Variants in STK16 observed in about 807,000 individuals in gnomAD.
The protein encoded by STK16 is serine/threonine kinase 16.
A neutral mutation model predicts 37.8 loss-of-function variants in STK16; 28 were observed. The ratio of observed to expected loss-of-function variants is 0.74; its 90% CI spans 0.55 to 1.02. The LOEUF is 1.02. Ranked by LOEUF, STK16 falls within the 50% of genes least tolerant of loss-of-function variation. STK16 has a pLI of 0.00. For missense variants in STK16, 349 were observed against 390.6 expected (o/e 0.89, Z 0.90); for synonymous variants, 134 against 155.0 (o/e 0.86, Z 1.01).
chr2:219,246,414 A>G lies in STK16; in HGVS notation c.87-243A>G. On this transcript the variant is annotated intron_variant, in intron 2 of 7. Coordinates refer to ENST00000396738, the MANE Select transcript of STK16 (RefSeq NM_001330213.2). The surrounding 1 kb of genome is among the most constrained non-coding windows in gnomAD (Gnocchi z 4.5). ...GACAAGTACTTGATAAGTGTTGGCT[A>G]TTATTTATTTAGCATCTGTCAAGTG... The G allele has an allele frequency of 1.6e-6, 1 of 614,602 alleles. No homozygotes were observed. Among genetic ancestry groups the G allele is most frequent in the South Asian group, 2.0e-5 (1 of 50,234 alleles). 38.1% of individuals were successfully genotyped at this position (614,602 alleles called of 1,614,324 possible). A position where few individuals can be genotyped will look rare whatever the true frequency, so the allele number is the denominator to read the frequency against.
Position 219,246,508 on chromosome 2 carries a change from G to GT in STK16, c.87-148dup, listed in dbSNP as rs1467126649. 1.4e-6 allele frequency: 1 copy of GT among 718,376 alleles called. No individual in the cohort carries two copies. The highest frequency in any genetic ancestry group is 1.7e-5 in the African/African-American group (1 of 57,210). The allele number at this position is 718,376 out of a possible 1,614,324, so 44.5% of individuals were successfully genotyped here. On this transcript the variant is annotated intron_variant, in intron 2 of 7. Coordinates refer to ENST00000396738, the MANE Select transcript of STK16 (RefSeq NM_001330213.2). The surrounding 1 kb of genome is among the most constrained non-coding windows in gnomAD (Gnocchi z 4.5). The stretch of plus-strand genomic sequence containing the variant: ...TCTCTGCTCCTGAGGAGCTCACGGT[G>GT]TAATATTCTTCAGATTTCTCTTAGA...
At position 219,249,311 on chromosome 2, in the gene STK16, T is replaced by TGGCAGC. The variant is rs1393351922; in HGVS notation, c.*759_*764dup. On this transcript the variant is annotated 3_prime_UTR_variant, in exon 8 of 8. Coordinates refer to ENST00000396738, the MANE Select transcript of STK16 (RefSeq NM_001330213.2). ...AGCCTAGGGGCGAGGGGAGTGGAGGTGGCAGCGGCAGCTGTTTTGGCCTGT... is the reference window on the plus strand; with the variant it reads ...AGCCTAGGGGCGAGGGGAGTGGAGGTGGCAGCGGCAGCGGCAGCTGTTTTGGCCTGT... 1.3e-5 allele frequency: 2 copies of TGGCAGC among 152,074 alleles called. No homozygotes were observed. 9.4% of individuals were successfully genotyped at this position (152,074 alleles called of 1,614,324 possible). A position where few individuals can be genotyped will look rare whatever the true frequency, so the allele number is the denominator to read the frequency against.
chr2:219,246,319 T>C lies in STK16; in HGVS notation c.86+234T>C, dbSNP rs1286352390. On this transcript the variant is annotated intron_variant, in intron 2 of 7. Coordinates refer to ENST00000396738, the MANE Select transcript of STK16 (RefSeq NM_001330213.2). This position sits in a 1 kb window ranked among gnomAD's most constrained non-coding sequence, Gnocchi z 4.5. ...ATCAGCTTAATGGAGATGATTATTA[T>C]CCCTCACTGATGGAGTTGTGAGGAT... is the stretch of plus-strand genomic sequence containing the variant. 2 of 601,704 alleles carry C rather than the reference T, an allele frequency of 3.3e-6. No homozygotes were observed. The highest frequency in any genetic ancestry group is 2.0e-5 in the South Asian group (1 of 48,974). The allele number at this position is 601,704 out of a possible 1,614,324, so 37.3% of individuals were successfully genotyped here. A position where few individuals can be genotyped will look rare whatever the true frequency, so the allele number is the denominator to read the frequency against.
In STK16 at chr2:219,250,317, C is replaced by T. The variant is rs778275983; in HGVS notation, c.*1758C>T. 1 of 1,569,412 alleles carries T rather than the reference C, an allele frequency of 6.4e-7. No homozygotes were observed. The highest frequency in any genetic ancestry group is 1.9e-5 in the Admixed American group (1 of 53,542). On this transcript the variant is annotated 3_prime_UTR_variant, in exon 8 of 8. Coordinates refer to ENST00000396738, the MANE Select transcript of STK16 (RefSeq NM_001330213.2). The surrounding 1 kb of genome is among the most constrained non-coding windows in gnomAD (Gnocchi z 8.4). Reference sequence around the variant, plus strand: ...AACTGTTTATTTCGAAAGGATTTTGCAATAAACATAGTGAATAGGCTCCAG... The same window carrying T: ...AACTGTTTATTTCGAAAGGATTTTGTAATAAACATAGTGAATAGGCTCCAG...
chr2:219,246,057 T>C lies in STK16; in HGVS notation c.58T>C (p.Tyr20His). The change falls in exon 2 of 8, where the codon TAC becomes CAC. Residue 20 changes from tyrosine to histidine, a missense_variant. Transcript: ENST00000396738. The surrounding 1 kb of genome is among the most constrained non-coding windows in gnomAD (Gnocchi z 4.5). ...AACTGTCATCATTGACAATAAGCGC[T>C]ACCTCTTCATCCAGAAACTGGGGGA... ...RGTVIIDNKR[Y>H]LFIQKLGEGG... 1.2e-6 allele frequency: 2 copies of C among 1,612,148 alleles called. No individual in the cohort carries two copies. Among genetic ancestry groups the C allele is most frequent in the Admixed American group, 1.7e-5 (1 of 60,006 alleles).
chr2:219,248,197 T>C lies in STK16; in HGVS notation c.662T>C (p.Leu221Pro). Residue 221 changes from leucine (L) to proline (P), a missense_variant, in exon 7 of 8, where the codon CTA (leucine) becomes CCA (proline). By Grantham distance (98) the Leu-to-Pro change is moderately conservative (BLOSUM62 -3). Transcript: ENST00000396738. Reference protein sequence around the residue: ...VIDERTDVWSLGCVLYAMMFG... With the variant: ...VIDERTDVWSPGCVLYAMMFG... The stretch of plus-strand genomic sequence containing the variant: ...GACTAATCAAGTTATGCTCAGTCCC[T>C]AGGCTGCGTGCTATATGCCATGATG... 1 of 1,614,182 alleles carries C rather than the reference T, an allele frequency of 6.2e-7. No homozygotes were observed. Among genetic ancestry groups the C allele is most frequent in the Non-Finnish European group, 8.5e-7 (1 of 1,180,028 alleles).
chr2:219,247,848 G>A, intron 6 of STK16, 91 bp downstream of exon 6: 1 of 1,294,208 alleles, frequency 7.7e-7, no homozygotes, highest in Non-Finnish European at 1.1e-6. Context: ...TCTGTTGCAT[G>A]GGGCGCCAGG....
chr2:219,248,059 G>A, intron 6 of STK16, 134 bp from the exon 7 acceptor site: 1 of 1,390,724 alleles, frequency 7.2e-7, no homozygotes, highest in Non-Finnish European at 9.9e-7. Flanking sequence ...CAGTTTCTCT[G>A]GACCCTGGTG....
chr2:219,246,025 C>T lies in STK16; in HGVS notation c.26C>T (p.Ser9Phe), dbSNP rs376149045. The change falls in exon 2 of 8, where the codon TCT becomes TTT. Residue 9 changes from serine to phenylalanine, a missense_variant. Coordinates refer to ENST00000396738, the MANE Select transcript of STK16 (RefSeq NM_001330213.2). The surrounding 1 kb of genome is among the most constrained non-coding windows in gnomAD (Gnocchi z 4.5). ...ATGGGCCACGCGCTGTGTGTCTGCTCTCGGGGAACTGTCATCATTGACAAT... is the reference window on the plus strand; with the variant it reads ...ATGGGCCACGCGCTGTGTGTCTGCTTTCGGGGAACTGTCATCATTGACAAT... Reference protein sequence around the residue: MGHALCVCSRGTVIIDNKR... With the variant: MGHALCVCFRGTVIIDNKR... 1.1e-5 allele frequency: 18 copies of T among 1,613,882 alleles called. No homozygotes were observed. The highest frequency in any genetic ancestry group is 1.5e-5 in the Non-Finnish European group (18 of 1,179,966).
intron 6 of STK16, 27 bp downstream of exon 6, chr2:219,247,784 G>C: frequency 1.3e-6 from 2 of 1,553,326 alleles, no homozygotes; most frequent in Non-Finnish European, 1.7e-6. Flanking sequence ...TGGGTATCTG[G>C]GTAGGGAGGG....
At chr2:219,247,916 G>A in intron 6 of STK16, 159 bp downstream of exon 6, 2 of 824,332 alleles carry the variant, frequency 2.4e-6, no homozygotes, top group Non-Finnish European at 4.0e-6. Flanking sequence ...CACTGATACT[G>A]TACCCAGTTG....
At position 219,247,441 on chromosome 2, in the gene STK16, T is replaced by C. The variant is rs1167088539; in HGVS notation, c.467T>C (p.Leu156Pro). The C allele has an allele frequency of 2.5e-6, 4 of 1,614,200 alleles. No homozygotes were observed. The highest frequency in any genetic ancestry group is 4.5e-5 in the East Asian group (2 of 44,888). ...HRDLKPTNIL[L>P]GDEGQPVLMD... Reference sequence around the variant, plus strand: ...GACTTGAAGCCCACCAATATATTGCTTGGAGATGAGGGGCAGCCAGTTTTA... The same window carrying C: ...GACTTGAAGCCCACCAATATATTGCCTGGAGATGAGGGGCAGCCAGTTTTA... The change falls in exon 5 of 8, where the codon CTT becomes CCT. Residue 156 changes from leucine (L) to proline (P), a missense_variant. Physicochemically the swap from Leu to Pro is moderately conservative, Grantham distance 98. Coordinates refer to ENST00000396738, the MANE Select transcript of STK16 (RefSeq NM_001330213.2).
Position 219,250,295 on chromosome 2 carries a change from T to C in STK16, c.*1736T>C. ...GGAACAAGAAACCGTGCAAGGAAAC[T>C]GTTTATTTCGAAAGGATTTTGCAAT... On this transcript the variant is annotated 3_prime_UTR_variant, in exon 8 of 8. Coordinates refer to ENST00000396738, the MANE Select transcript of STK16 (RefSeq NM_001330213.2). The surrounding 1 kb of genome is among the most constrained non-coding windows in gnomAD (Gnocchi z 8.4). 6.5e-7 allele frequency: 1 copy of C among 1,547,542 alleles called. No individual in the cohort carries two copies. Among genetic ancestry groups the C allele is most frequent in the Non-Finnish European group, 8.7e-7 (1 of 1,147,026 alleles).
At position 219,246,854 on chromosome 2, in the gene STK16, G is replaced by C; in HGVS notation, c.284G>C (p.Trp95Ser). The C allele has an allele frequency of 6.2e-7, 1 of 1,611,172 alleles. No homozygotes were observed. Among genetic ancestry groups the C allele is most frequent in the Non-Finnish European group, 8.5e-7 (1 of 1,177,584 alleles). The change falls in exon 3 of 8, where the codon TGG becomes TCG. Residue 95 changes from tryptophan (W) to serine (S), a missense_variant. Trp to Ser is a radical substitution (Grantham distance 177). Transcript: ENST00000396738. The surrounding 1 kb of genome is among the most constrained non-coding windows in gnomAD (Gnocchi z 4.5). Reference protein sequence around the residue: ...LRERGAKHEAWLLLPFFKRGT... With the variant: ...LRERGAKHEASLLLPFFKRGT... ...GAACGGGGTGCTAAGCATGAGGCCT[G>C]GCTGCTGCTACCATTCTTCAAGGTC...
Position 219,247,736 on chromosome 2 carries a change from C to T in STK16, c.636C>T (p.Ile212=), listed in dbSNP as rs771553644. The T allele has an allele frequency of 1.3e-5, 21 of 1,588,670 alleles. No homozygotes were observed. The highest frequency in any genetic ancestry group is 1.7e-4 in the Middle Eastern group (1 of 6,058). The change falls in exon 6 of 8, where the codon ATC becomes ATT. Residue 212 remains isoleucine, a synonymous_variant. Coordinates refer to ENST00000396738, the MANE Select transcript of STK16 (RefSeq NM_001330213.2). The part of the protein sequence containing the change: ...ELFSVQSHCV[I]DERTDVWSLG... ...TCTCTGTGCAGAGTCACTGTGTCAT[C>T]GATGAGCGGACTGATGTCTGGGTGA... is the stretch of plus-strand genomic sequence containing the variant.
rs571856046 is a variant in STK16 at position 219,249,786 on chromosome 2, C to CAGA, written c.*1228_*1230dup. 136 of 153,816 alleles carry CAGA rather than the reference C, an allele frequency of 8.8e-4. 2 individuals carry two copies. The South Asian group carries it at 9.9e-3, about 11-fold the overall frequency. The allele number at this position is 153,816 out of a possible 1,614,324, so 9.5% of individuals were successfully genotyped here. On this transcript the variant is annotated 3_prime_UTR_variant, in exon 8 of 8. Coordinates refer to ENST00000396738, the MANE Select transcript of STK16 (RefSeq NM_001330213.2). The stretch of plus-strand genomic sequence containing the variant: ...AGACAGGAAGCTATGCAAAGCTGCT[C>CAGA]AGAGGTGCAGTGGCACAAACAACTC...
At position 219,247,136 on chromosome 2, in the gene STK16, A is replaced by T; in HGVS notation, c.330A>T (p.Ile110=). ...AGAGAGGTACGCTGTGGAATGAGAT[A>T]GAAAGGCTGAAGGACAAAGGCAACT... ...FFKRGTLWNE[I]ERLKDKGNFL... is the part of the protein sequence containing the mutation. Residue 110 remains isoleucine (I), a synonymous_variant, in exon 4 of 8, where the codon ATA becomes ATT. Transcript: ENST00000396738. The T allele has an allele frequency of 6.2e-7, 1 of 1,614,252 alleles. No individual in the cohort carries two copies. Among genetic ancestry groups the T allele is most frequent in the Non-Finnish European group, 8.5e-7 (1 of 1,180,046 alleles).
At position 219,250,073 on chromosome 2, in the gene STK16, AT is replaced by A. The variant is rs1951619487; in HGVS notation, c.*1518del. 7.4e-6 allele frequency: 3 copies of A among 402,854 alleles called. No individual in the cohort carries two copies. Among genetic ancestry groups the A allele is most frequent in the Non-Finnish European group, 1.3e-5 (3 of 222,780 alleles). 25.0% of individuals were successfully genotyped at this position (402,854 alleles called of 1,614,324 possible). On this transcript the variant is annotated 3_prime_UTR_variant, in exon 8 of 8. Transcript: ENST00000396738. This position sits in a 1 kb window ranked among gnomAD's most constrained non-coding sequence, Gnocchi z 8.4. ...TCATCCTTCAACAGTTTGTGCCTGG[AT>A]TTTGGTCCTCATTTCCTCCCTATAC...
chr2:219,246,046 A>T lies in STK16; in HGVS notation c.47A>T (p.Asp16Val). The T allele has an allele frequency of 6.2e-7, 1 of 1,614,098 alleles. No homozygotes were observed. The highest frequency in any genetic ancestry group is 8.5e-7 in the Non-Finnish European group (1 of 1,179,980). ...TGCTCTCGGGGAACTGTCATCATTG[A>T]CAATAAGCGCTACCTCTTCATCCAG... ...CVCSRGTVII[D>V]NKRYLFIQKL... The change falls in exon 2 of 8, where the codon GAC (aspartate) becomes GTC (valine). Residue 16 changes from aspartate (D) to valine (V), a missense_variant. Coordinates refer to ENST00000396738, the MANE Select transcript of STK16 (RefSeq NM_001330213.2). The surrounding 1 kb of genome is among the most constrained non-coding windows in gnomAD (Gnocchi z 4.5).
Sources: allele counts gnomAD v4.1 joint callset, GRCh38; gene constraint gnomAD v4.1.1; non-coding constraint Gnocchi (gnomAD v3.1); transcripts MANE v1.5; gene names NCBI Gene and HGNC (gene_info 2026-07-23, HGNC 2026-07-21).